ZNF782: variants seen among roughly 807,000 people sequenced by gnomAD.
ZNF782 encodes zinc finger protein 782.
ZNF782 carries 12 observed loss-of-function variants against 13.0 expected under a neutral mutation model. That is an observed-to-expected ratio of 0.92 (90% CI 0.59 to 1.50). The LOEUF (loss-of-function observed/expected upper bound fraction) is 1.50, where lower values mean the gene tolerates loss of function less well. Ranked by LOEUF, ZNF782 falls within the 40% of genes most tolerant of loss-of-function variation. ZNF782 has a pLI of 0.00. For synonymous variants in ZNF782, 284 were observed against 283.0 expected, an observed-to-expected ratio of 1.00 and a Z score of -0.04; for missense variants, 770 against 822.9, an observed-to-expected ratio of 0.94 and a Z score of 0.79.
intron 4 of ZNF782, 126 bp downstream of exon 4, chr9:96,844,764 C>A: frequency 7.7e-7 from 1 of 1,301,962 alleles, no homozygotes; most frequent in Non-Finnish European, 1.1e-6. Flanking sequence ...ATAAAAGTGA[C>A]TAATATAAAA....
upstream of ZNF782, among the ~76,000 whole-genome samples, chr9:96,876,971 A>AAAAAAAAAAAAAG (rs1851900809): frequency 7.8e-6 from 1 of 128,040 alleles, no homozygotes; most frequent in East Asian, 2.0e-4. Flanking sequence ...AAAAAAAAAA[A>AAAAAAAAAAAAAG]AAGAAGAAGA....
At chr9:96,886,644 T>A in the ZNF782 span, among the ~76,000 whole-genome samples, 1 of 152,106 alleles carries the variant, frequency 6.6e-6, no homozygotes, top group Non-Finnish European at 1.5e-5. Context: ...ACTATAAGCC[T>A]GGGCATGGTG....
At chr9:96,836,834 T>C (rs914016211) in intron 4 of ZNF782, among the ~76,000 whole-genome samples, 1 of 152,142 alleles carries the variant, frequency 6.6e-6, no homozygotes, top group Non-Finnish European at 1.5e-5. Context: ...AGATTATTTC[T>C]TGTGAGAACG....
Position 96,819,356 on chromosome 9 carries a change from C to CT in ZNF782, c.666dup (p.Ala223SerfsTer4). On this transcript the variant is annotated frameshift_variant, in exon 6 of 6. Coordinates refer to ENST00000481138, the MANE Select transcript of ZNF782 (RefSeq NM_001001662.3). LOFTEE classifies it low-confidence loss of function (END_TRUNC). ...ACAAGGGCAGCCTTTTCAAGAAAAG[C>CT]TTTTCTACTTTCATTATATTCAAAA... 1 of 1,600,284 alleles carries CT rather than the reference C, an allele frequency of 6.2e-7. No individual in the cohort carries two copies. The highest frequency in any genetic ancestry group is 8.5e-7 in the Non-Finnish European group (1 of 1,175,088).
the ZNF782 span, among the ~76,000 whole-genome samples, chr9:96,883,349 C>G: frequency 6.6e-6 from 1 of 152,048 alleles, no homozygotes; most frequent in Non-Finnish European, 1.5e-5. Flanking sequence ...ACCAGTAGGG[C>G]TCAAGGGGCT....
In ZNF782 at chr9:96,817,716, A is replaced by G. The variant is rs1850216411; in HGVS notation, c.*207T>C. 1 of 478,596 alleles carries G rather than the reference A, an allele frequency of 2.1e-6. No individual in the cohort carries two copies. Among genetic ancestry groups the G allele is most frequent in the Middle Eastern group, 5.4e-4 (1 of 1,852 alleles). The allele number at this position is 478,596 out of a possible 1,614,324, so 29.6% of individuals were successfully genotyped here. A position where few individuals can be genotyped will look rare whatever the true frequency, so the allele number is the denominator to read the frequency against. ...TGCTGTGTGAGTTCTGTATATCCAT[A>G]GAAGACTGGGCTCTGGCTGAAAGAA... On this transcript the variant is annotated 3_prime_UTR_variant, in exon 6 of 6. Coordinates refer to ENST00000481138, the MANE Select transcript of ZNF782 (RefSeq NM_001001662.3).
At chr9:96,925,196 C>T in the ZNF782 span, among the ~76,000 whole-genome samples, 3 of 152,150 alleles carry the variant, frequency 2.0e-5, no homozygotes, top group African/African-American at 7.2e-5. Flanking sequence ...CGCCTCGAGG[C>T]TCCTACACAG....
At chr9:96,885,342 A>G in the ZNF782 span, among the ~76,000 whole-genome samples, 2 of 152,316 alleles carry the variant, frequency 1.3e-5, no homozygotes, top group East Asian at 3.8e-4. Context: ...AAATATGATA[A>G]CCACAATAAA....
chr9:96,887,445 G>A, the ZNF782 span: 3 of 152,132 alleles, frequency 2.0e-5, no homozygotes, highest in African/African-American at 4.8e-5. Context: ...AGTGGTCTAC[G>A]TACAGTAATT....
upstream of ZNF782, among the ~76,000 whole-genome samples, chr9:96,876,588 TAC>T (rs1298413236): frequency 6.6e-6 from 1 of 152,088 alleles, no homozygotes; most frequent in Non-Finnish European, 1.5e-5. Flanking sequence ...GTGAATGAAA[TAC>T]TTGCACACGG....
chr9:96,837,065 A>C (rs192115921), intron 4 of ZNF782, among the ~76,000 whole-genome samples: 52 of 152,318 alleles, frequency 3.4e-4, no homozygotes, highest in Admixed American at 8.5e-4. Flanking sequence ...CTAGCAACAC[A>C]AACTGGACTG....
intron 5 of ZNF782, among the ~76,000 whole-genome samples, chr9:96,821,338 C>A (rs1850409229): frequency 6.6e-6 from 1 of 152,204 alleles, no homozygotes; most frequent in Admixed American, 6.5e-5. Flanking sequence ...TATTCTTTCT[C>A]TGAATCACTC....
At chr9:96,915,786 G>A in the ZNF782 span, among the ~76,000 whole-genome samples, 6 of 151,112 alleles carry the variant, frequency 4.0e-5, no homozygotes, top group Admixed American at 6.6e-5. Context: ...TGACTGCCAC[G>A]TAGGACAACT....
At chr9:96,847,350 C>T (rs1339052804) in intron 3 of ZNF782, among the ~76,000 whole-genome samples, 1 of 151,700 alleles carries the variant, frequency 6.6e-6, no homozygotes, top group Admixed American at 6.6e-5. Context: ...GAAATTCAAA[C>T]AAAAAAACCC....
At chr9:96,834,197 A>C (rs1173501336) in intron 4 of ZNF782, among the ~76,000 whole-genome samples, 6 of 152,156 alleles carry the variant, frequency 3.9e-5, no homozygotes, top group African/African-American at 1.4e-4. Flanking sequence ...GGTGGAGAAA[A>C]CTGAATCATA....
intron 4 of ZNF782, among the ~76,000 whole-genome samples, chr9:96,837,171 T>C (rs1475000909): frequency 1.3e-5 from 2 of 152,222 alleles, no homozygotes; most frequent in East Asian, 3.8e-4. Flanking sequence ...GCCTAGCCCT[T>C]AGAATCAACC....
the ZNF782 span, among the ~76,000 whole-genome samples, chr9:96,908,434 T>C: frequency 1.3e-5 from 2 of 152,278 alleles, no homozygotes; most frequent in African/African-American, 4.8e-5. Context: ...CAGCCTAAAA[T>C]GCAAGAGAAG....
the ZNF782 span, among the ~76,000 whole-genome samples, chr9:96,896,597 A>T: frequency 4.6e-5 from 7 of 152,224 alleles, no homozygotes; most frequent in African/African-American, 1.2e-4. Context: ...AACCAAAAAA[A>T]GAGGCATAAC....
the ZNF782 span, chr9:96,894,339 TA>T: frequency 4.1e-4 from 59 of 143,598 alleles, no homozygotes; most frequent in Middle Eastern, 3.5e-3. Context: ...ACTTAAAGCA[TA>T]AAAAAAAAAA....
Sources: gnomAD v4.1 joint callset for allele counts (sites outside exome capture counted in the v4.1 genomes callset) on GRCh38, gnomAD v4.1.1 for gene constraint, MANE v1.5 for transcripts, NCBI Gene and HGNC (gene_info 2026-07-23, HGNC 2026-07-21) for gene names.